The following PACSIN2 variants were observed in gnomAD, a reference collection of about 807,000 sequenced individuals.
The protein encoded by PACSIN2 is protein kinase C and casein kinase substrate in neurons 2.
In PACSIN2, 25 loss-of-function variants were observed where a neutral mutation model predicts 63.8. That is an observed-to-expected ratio of 0.39 (90% CI 0.29 to 0.55). PACSIN2 has a LOEUF of 0.55. Ranked by LOEUF, PACSIN2 falls within the 20% of genes least tolerant of loss-of-function variation. The pLI is 0.62. For missense variants in PACSIN2, 518 were observed against 646.9 expected (o/e 0.80, Z 2.16); for synonymous variants, 255 against 256.2 (o/e 1.00, Z 0.05).
chr22:43,010,776 A>G (rs1924439483), intron 1 of PACSIN2, among the ~76,000 whole-genome samples: 2 of 152,248 alleles, frequency 1.3e-5, no homozygotes, highest in Non-Finnish European at 2.9e-5. Context: ...CTAGGAAACA[A>G]GAAAGACTCT....
intron 2 of PACSIN2, among the ~76,000 whole-genome samples, chr22:42,901,391 G>C (rs9611957): frequency 6.6e-6 from 1 of 152,046 alleles, no homozygotes; most frequent in African/African-American, 2.4e-5. Flanking sequence ...AGTTGGCAAC[G>C]AGACGGGCAA....
chr22:43,005,038 A>G (rs1924005152), intron 1 of PACSIN2, among the ~76,000 whole-genome samples: 1 of 152,256 alleles, frequency 6.6e-6, no homozygotes, highest in Non-Finnish European at 1.5e-5. Context: ...TTTAATTACA[A>G]AGTTATTACT....
intron 1 of PACSIN2, among the ~76,000 whole-genome samples, chr22:42,928,619 G>C (rs1276180366): frequency 5.9e-5 from 9 of 152,210 alleles, no homozygotes; most frequent in Non-Finnish European, 1.0e-4. Context: ...GTTAATGTCT[G>C]AAGACAATGA....
chr22:42,954,159 A>G (rs1601573282), intron 1 of PACSIN2, among the ~76,000 whole-genome samples: 2 of 152,312 alleles, frequency 1.3e-5, no homozygotes, highest in East Asian at 3.9e-4. Context: ...GCTACTTGGG[A>G]GGCTGAGGCA....
chr22:42,961,151 G>A (rs1341124832), intron 1 of PACSIN2, among the ~76,000 whole-genome samples: 1 of 152,182 alleles, frequency 6.6e-6, no homozygotes, highest in Non-Finnish European at 1.5e-5. Context: ...TACTGCAAGG[G>A]GAAACTGTGC....
rs138842796 is a variant in PACSIN2 at position 42,913,480 on chromosome 22, CAAAAAAAA to C, written c.-77-1331_-77-1324del. ...GGCAACAAGAGCGAAACTCCGTCTC[CAAAAAAAA>C]AAAAAAAAAAAAAAAAGAGAGACAC... is the stretch of plus-strand genomic sequence containing the variant. On this transcript the variant is annotated intron_variant, in intron 1 of 10. Coordinates refer to ENST00000263246, the MANE Select transcript of PACSIN2 (RefSeq NM_001184970.3). 6.0e-4 allele frequency among the ~76,000 whole-genome samples: 56 copies of C among 93,116 alleles called. No individual in the cohort carries two copies. In the East Asian group the frequency reaches 6.4e-3, roughly 11 times the overall value. 61.1% of individuals were successfully genotyped at this position (93,116 alleles called of 152,430 possible).
At chr22:43,000,865 T>C (rs1923722640) in intron 1 of PACSIN2, among the ~76,000 whole-genome samples, 1 of 152,216 alleles carries the variant, frequency 6.6e-6, no homozygotes, top group Non-Finnish European at 1.5e-5. Context: ...TCACATTGAC[T>C]TTCTTCCCAT....
intron 10 of PACSIN2, among the ~76,000 whole-genome samples, chr22:42,874,852 C>CTTTT (rs777530387): frequency 0.32 from 40,582 of 126,170 alleles, 6,098 homozygotes; most frequent in Non-Finnish European, 0.4. Flanking sequence ...TGGGCATCCG[C>CTTTT]TTTTTTTTTT....
intron 1 of PACSIN2, among the ~76,000 whole-genome samples, chr22:42,917,786 TTTTC>T (rs1416595015): frequency 1.4e-5 from 2 of 146,402 alleles, no homozygotes; most frequent in Non-Finnish European, 3.0e-5. Flanking sequence ...ATTGGTACTC[TTTTC>T]TTTTTCTTTT....
At chr22:42,897,543 A>G (rs1602204279) in intron 2 of PACSIN2, among the ~76,000 whole-genome samples, 1 of 152,248 alleles carries the variant, frequency 6.6e-6, no homozygotes, top group Admixed American at 6.5e-5. Flanking sequence ...TGAACCAGGT[A>G]TGAAGCTATG....
At chr22:43,004,515 A>G (rs190970432) in intron 1 of PACSIN2, among the ~76,000 whole-genome samples, 1 of 152,328 alleles carries the variant, frequency 6.6e-6, no homozygotes, top group East Asian at 1.9e-4. Context: ...TCAGACAGCT[A>G]CAGAACCCAC....
intron 1 of PACSIN2, among the ~76,000 whole-genome samples, chr22:42,987,123 G>C: frequency 6.6e-6 from 1 of 152,212 alleles, no homozygotes; most frequent in South Asian, 2.1e-4. Context: ...GGGTGTGTCT[G>C]AATCTATACA....
chr22:42,982,865 T>TTAAAAAAAAAA (rs1922282975), intron 1 of PACSIN2, among the ~76,000 whole-genome samples: 1 of 25,874 alleles, frequency 3.9e-5, no homozygotes, highest in African/African-American at 1.7e-4. Context: ...CAAAGAATGA[T>TTAAAAAAAAAA]CAATAAAAAA....
chr22:42,979,908 T>C (rs2146882075), intron 1 of PACSIN2, among the ~76,000 whole-genome samples: 1 of 152,342 alleles, frequency 6.6e-6, no homozygotes, highest in East Asian at 1.9e-4. Context: ...GTACTTGTCA[T>C]TGTAAATTTA....
chr22:42,988,349 G>A (rs142111865), intron 1 of PACSIN2, among the ~76,000 whole-genome samples: 4 of 152,306 alleles, frequency 2.6e-5, no homozygotes, highest in African/African-American at 9.6e-5. Context: ...TGGGGGGCAC[G>A]TCATGGCCAG....
At chr22:42,910,536 TTCCAGGGGCACC>T (rs1348049278) in intron 2 of PACSIN2, among the ~76,000 whole-genome samples, 1 of 152,186 alleles carries the variant, frequency 6.6e-6, no homozygotes, top group Non-Finnish European at 1.5e-5. Flanking sequence ...TCTAGCACTA[TTCCAGGGGCACC>T]TCCAAACCAC....
At chr22:43,014,450 G>T (rs891629897) in intron 1 of PACSIN2, among the ~76,000 whole-genome samples, 1 of 149,514 alleles carries the variant, frequency 6.7e-6, no homozygotes, top group Non-Finnish European at 1.5e-5. Flanking sequence ...GCGCACCCGC[G>T]TGTGTCCTGC....
chr22:42,893,942 G>A (rs951563530), intron 2 of PACSIN2, among the ~76,000 whole-genome samples: 1 of 152,100 alleles, frequency 6.6e-6, no homozygotes, highest in African/African-American at 2.4e-5. Context: ...GGCACCTCAC[G>A]CAGACTGAGG....
intron 1 of PACSIN2, among the ~76,000 whole-genome samples, chr22:42,985,467 C>T (rs1333644773): frequency 6.6e-6 from 1 of 152,240 alleles, no homozygotes; most frequent in African/African-American, 2.4e-5. Context: ...TGGCCCCCCA[C>T]TGGCCTCACT....
Sources: allele counts gnomAD v4.1 joint callset (sites outside exome capture counted in the v4.1 genomes callset), GRCh38; gene constraint gnomAD v4.1.1; transcripts MANE v1.5; gene names NCBI Gene and HGNC (gene_info 2026-07-23, HGNC 2026-07-21).